Variants in DEF8 observed in about 807,000 individuals in gnomAD.
DEF8 encodes the protein DEF-8.
In DEF8, 38 loss-of-function variants were observed where a neutral mutation model predicts 59.1. The ratio of observed to expected loss-of-function variants is 0.64; its 90% confidence interval spans 0.50 to 0.84. The LOEUF (loss-of-function observed/expected upper bound fraction) is 0.84, where lower values mean the gene tolerates loss of function less well. DEF8 is among the 40% of genes least tolerant of loss of function. The pLI is 0.00. For synonymous variants in DEF8, 265 were observed against 250.1 expected, an observed-to-expected ratio of 1.06 and a Z score of -0.56; for missense variants, 557 against 615.2, an observed-to-expected ratio of 0.91 and a Z score of 1.00.
chr16:89,962,448 G>A (rs1169141108), intron 9 of DEF8, among the ~76,000 whole-genome samples: 2 of 152,140 alleles, frequency 1.3e-5, no homozygotes, highest in Non-Finnish European at 2.9e-5. Context: ...ACTTGAGGTC[G>A]GGAGTTTGAG....
rs558058874 is a variant in DEF8 at position 89,949,737 on chromosome 16, G to A, written c.-11+224G>A. 520 of 1,206,110 alleles carry A rather than the reference G, an allele frequency of 4.3e-4. 6 individuals carry two copies. In the South Asian group the frequency reaches 7.1e-3, roughly 16 times the overall value. The allele number at this position is 1,206,110 out of a possible 1,614,324, so 74.7% of individuals were successfully genotyped here. A position where few individuals can be genotyped will look rare whatever the true frequency, so the allele number is the denominator to read the frequency against. ...GGCTTCCTTTCATTGCTAAGTTGTG[G>A]GGTCCTCCCCGATGAGAGCAGTGGG... On this transcript the variant is annotated intron_variant, in intron 2 of 12. Coordinates refer to ENST00000563594, the MANE Select transcript of DEF8 (RefSeq NM_001242818.2).
chr16:89,963,337 C>T, intron 9 of DEF8, 26 bp from the exon 10 acceptor site: 2 of 1,608,524 alleles, frequency 1.2e-6, no homozygotes, highest in Non-Finnish European at 1.7e-6. Flanking sequence ...GCTGAGGAGG[C>T]CTGCCTGCTC....
In DEF8 at chr16:89,960,986, G is replaced by C; in HGVS notation, c.570G>C (p.Val190=). 1 of 1,614,150 alleles carries C rather than the reference G, an allele frequency of 6.2e-7. No individual in the cohort carries two copies. The highest frequency in any genetic ancestry group is 8.5e-7 in the Non-Finnish European group (1 of 1,180,010). The part of the protein sequence containing the change: ...KCLNLISKPC[V]SSKVSHQAEY... ...TGAACCTCATCTCCAAGCCCTGTGT[G>C]AGCTCCAAAGTCAGCCACCAAGCTG... Residue 190 remains valine, a synonymous_variant, in exon 7 of 13, where the codon GTG becomes GTC. Coordinates refer to ENST00000563594, the MANE Select transcript of DEF8 (RefSeq NM_001242818.2).
intron 9 of DEF8, among the ~76,000 whole-genome samples, chr16:89,962,659 A>G (rs1311812162): frequency 6.6e-6 from 1 of 152,268 alleles, no homozygotes; most frequent in African/African-American, 2.4e-5. Flanking sequence ...TCTGTCTCAA[A>G]AAAAAGTAAA....
At chr16:89,957,159 C>T (rs1286196028) in intron 4 of DEF8, 1 of 173,358 alleles carries the variant, frequency 5.8e-6, no homozygotes, top group African/African-American at 2.4e-5. Flanking sequence ...ATGTCCTTTC[C>T]CTAGCTTTCC....
At chr16:89,956,689 T>A (rs1359311785) in intron 4 of DEF8, 1 of 151,858 alleles carries the variant, frequency 6.6e-6, no homozygotes, top group Non-Finnish European at 1.5e-5. Flanking sequence ...ATTTTTTTTT[T>A]ATAGACACGG....
Position 89,959,670 on chromosome 16 carries a change from A to AT in DEF8, c.514+523dup, listed in dbSNP as rs574988775. Among the ~76,000 whole-genome samples, 737 of 151,586 alleles carry AT rather than the reference A, an allele frequency of 4.9e-3. 15 individuals are homozygous for AT. The highest frequency in any genetic ancestry group is 2.0e-3 in the Non-Finnish European group (139 of 67,844). On this transcript the variant is annotated intron_variant, in intron 6 of 12. Transcript: ENST00000563594. ...CCACCACGCCCGGCTAATTTTTTGT[A>AT]TTTTTTTTAGTAGAGACGGGGTTTC...
chr16:89,960,310 G>A (rs1326668724), intron 6 of DEF8, among the ~76,000 whole-genome samples: 1 of 151,994 alleles, frequency 6.6e-6, no homozygotes, highest in Non-Finnish European at 1.5e-5. Flanking sequence ...GTCGCTAAGG[G>A]CAGTCCAGCT....
At chr16:89,953,082 TG>T (rs773618462) in intron 2 of DEF8, among the ~76,000 whole-genome samples, 2 of 152,202 alleles carry the variant, frequency 1.3e-5, no homozygotes, top group Non-Finnish European at 2.9e-5. Flanking sequence ...TATTTCAGAC[TG>T]TAGCAGGTGT....
At chr16:89,951,671 C>G (rs1179809512) in intron 2 of DEF8, among the ~76,000 whole-genome samples, 3 of 152,192 alleles carry the variant, frequency 2.0e-5, no homozygotes, top group Non-Finnish European at 4.4e-5. Flanking sequence ...GTGCAGTCCC[C>G]TGCAATCACG....
intron 9 of DEF8, 71 bp downstream of exon 9, chr16:89,962,196 C>G: frequency 7.5e-7 from 1 of 1,338,414 alleles, no homozygotes; most frequent in Non-Finnish European, 1.1e-6. Flanking sequence ...GGGCCAGTAC[C>G]CTCTTCTCCT....
Position 89,961,040 on chromosome 16 carries a change from A to G in DEF8, c.624A>G (p.Thr208=), listed in dbSNP as rs748776083. Residue 208 remains threonine, a synonymous_variant, in exon 7 of 13, where the codon ACA becomes ACG. Transcript: ENST00000563594. ...ACGAACTGAACATCTGCCCTGAGAC[A>G]GGGCTGGACAGCCAGGATTACCGCT... The part of the protein sequence containing the change: ...AEYELNICPE[T]GLDSQDYRCA... The G allele has an allele frequency of 4.3e-6, 7 of 1,614,014 alleles. No individual in the cohort carries two copies. The Admixed American group carries it at 5.0e-5, about 12-fold the overall frequency.
At chr16:89,956,659 C>G (rs962801186) in intron 4 of DEF8, 2 of 150,786 alleles carry the variant, frequency 1.3e-5, no homozygotes, top group African/African-American at 4.9e-5. Flanking sequence ...GTGTGCACTA[C>G]AATGCTCAGA....
At chr16:89,961,184 C>G (rs2033977887) in intron 7 of DEF8, 89 bp downstream of exon 7, 3 of 1,512,290 alleles carry the variant, frequency 2.0e-6, no homozygotes, top group Admixed American at 1.9e-5. Context: ...GTAAGTCAGA[C>G]AGTTGAGTGA....
At position 89,954,311 on chromosome 16, in the gene DEF8, A is replaced by G. The variant is rs752681971; in HGVS notation, c.59A>G (p.Lys20Arg). 1.9e-6 allele frequency: 3 copies of G among 1,613,740 alleles called. No individual in the cohort carries two copies. The South Asian group carries it at 3.3e-5, about 18-fold the overall frequency. The change falls in exon 3 of 13, where the codon AAG becomes AGG. Residue 20 changes from lysine (K) to arginine (R), a missense_variant. Lys to Arg is a conservative substitution (Grantham distance 26, BLOSUM62 2). Coordinates refer to ENST00000563594, the MANE Select transcript of DEF8 (RefSeq NM_001242818.2). This position sits in a 1 kb window ranked among gnomAD's most constrained non-coding sequence, Gnocchi z 4.3. Reference protein sequence around the residue: ...FRQAHLNPFNKQSGPRQHEQG... With the variant: ...FRQAHLNPFNRQSGPRQHEQG... ...CAGGCCCACCTCAACCCCTTCAACA[A>G]GCAGTCTGGGCCGAGACAGCATGAG...
intron 2 of DEF8, among the ~76,000 whole-genome samples, chr16:89,953,718 T>C (rs1244121450): frequency 6.6e-6 from 1 of 152,194 alleles, no homozygotes; most frequent in African/African-American, 2.4e-5. Context: ...TGTCCCCAAG[T>C]GTCCAACCCT....
At chr16:89,949,038 G>A (rs1396318646) in intron 1 of DEF8, among the ~76,000 whole-genome samples, 10 of 85,950 alleles carry the variant, frequency 1.2e-4, no homozygotes, top group South Asian at 3.6e-4. Context: ...GCGGGGACGG[G>A]GTCGGCGGGG....
chr16:89,959,373 G>A lies in DEF8; in HGVS notation c.514+218G>A, dbSNP rs1597501625. 2.1e-6 allele frequency: 3 copies of A among 1,429,126 alleles called. No homozygotes were observed. The East Asian group carries it at 7.5e-5, about 36-fold the overall frequency. The allele number at this position is 1,429,126 out of a possible 1,614,324, so 88.5% of individuals were successfully genotyped here. A position where few individuals can be genotyped will look rare whatever the true frequency, so the allele number is the denominator to read the frequency against. ...ATTAAACTAGTGAATTACATGGTGT[G>A]TCTAGTTTGTACAATGAAGAAAAAG... On this transcript the variant is annotated intron_variant, in intron 6 of 12. Coordinates refer to ENST00000563594, the MANE Select transcript of DEF8 (RefSeq NM_001242818.2).
chr16:89,955,034 CA>C, intron 3 of DEF8, 134 bp from the exon 4 acceptor site: 1 of 660,144 alleles, frequency 1.5e-6, no homozygotes, highest in Non-Finnish European at 2.7e-6. Flanking sequence ...GAGTGGTGCC[CA>C]GCTCTCACGG....
Sources: gnomAD v4.1 joint callset for allele counts (sites outside exome capture counted in the v4.1 genomes callset) on GRCh38, gnomAD v4.1.1 for gene constraint, Gnocchi (gnomAD v3.1) non-coding constraint, MANE v1.5 for transcripts, NCBI Gene and HGNC (gene_info 2026-07-23, HGNC 2026-07-21) for gene names.